The following CNTRL variants were observed in gnomAD, a reference collection of about 807,000 sequenced individuals.
CNTRL encodes the protein centriolin.
Under a neutral mutation model 303.7 loss-of-function variants are expected in CNTRL, and 233 were observed. That is an observed-to-expected ratio of 0.77 (90% CI 0.69 to 0.86). The LOEUF is 0.86. Ranked by LOEUF, CNTRL falls within the 40% of genes least tolerant of loss-of-function variation. CNTRL has a pLI of 0.00. For missense variants in CNTRL, 2,524 were observed against 2,650.6 expected (o/e 0.95, Z 1.05); for synonymous variants, 900 against 922.2 (o/e 0.98, Z 0.44).
rs1373497475 is a variant in CNTRL at position 121,158,741 on chromosome 9, T to C, written c.4765-114T>C. On this transcript the variant is annotated intron_variant, in intron 30 of 43. Transcript: ENST00000373855. ...ACTCCTTGCCTGGCTTTTCTGACTC[T>C]TGGGGGCTAGGATATTAGCTCCTGA... 7 of 1,030,230 alleles carry C rather than the reference T, an allele frequency of 6.8e-6. No homozygotes were observed. In the East Asian group the frequency reaches 9.5e-5, roughly 14 times the overall value. 63.8% of individuals were successfully genotyped at this position (1,030,230 alleles called of 1,614,324 possible).
chr9:121,146,310 G>A (rs1564271776), intron 23 of CNTRL, 54 bp downstream of exon 23: 1 of 1,544,628 alleles, frequency 6.5e-7, no homozygotes. Flanking sequence ...AAGAAAGTGT[G>A]ACATTGTCCC....
intron 9 of CNTRL, among the ~76,000 whole-genome samples, chr9:121,113,135 AT>A (rs2049823598): frequency 6.6e-6 from 1 of 152,180 alleles, no homozygotes; most frequent in Non-Finnish European, 1.5e-5. Context: ...TGAAAAAAAT[AT>A]TAGACTGAGA....
intron 4 of CNTRL, among the ~76,000 whole-genome samples, chr9:121,093,041 T>C (rs775981810): frequency 1.3e-5 from 2 of 150,990 alleles, no homozygotes; most frequent in Non-Finnish European, 2.9e-5. Flanking sequence ...TCTCCTGACC[T>C]TGTGATCTCC....
rs528595819 is a variant in CNTRL, at chr9:121,124,649, A to G, written c.1804+565A>G. 1.8e-3 allele frequency among the ~76,000 whole-genome samples: 267 copies of G among 151,994 alleles called. 2 individuals carry two copies. Among genetic ancestry groups the G allele is most frequent in the Non-Finnish European group, 1.1e-3 (74 of 67,970 alleles). ...TGTTGGGAGAATTAAATGAGCTAGTATTCATAGGCCAGGAGTGGTGGCTCA... is the reference window on the plus strand; with the variant it reads ...TGTTGGGAGAATTAAATGAGCTAGTGTTCATAGGCCAGGAGTGGTGGCTCA... On this transcript the variant is annotated intron_variant, in intron 13 of 43. Transcript: ENST00000373855.
chr9:121,102,035 C>G (rs1364642217), intron 7 of CNTRL, among the ~76,000 whole-genome samples: 2 of 152,178 alleles, frequency 1.3e-5, no homozygotes, highest in African/African-American at 4.8e-5. Flanking sequence ...AGGGAATCCA[C>G]CCTAACTCAT....
At chr9:121,175,471 G>C (rs2053483705) in intron 43 of CNTRL, among the ~76,000 whole-genome samples, 1 of 152,110 alleles carries the variant, frequency 6.6e-6, no homozygotes, top group South Asian at 2.1e-4. Context: ...GTCTTGCTGG[G>C]TTGCCAGGGC....
intron 18 of CNTRL, 136 bp from the exon 19 acceptor site, chr9:121,141,955 C>A: frequency 1.5e-6 from 1 of 688,660 alleles, no homozygotes; most frequent in Non-Finnish European, 2.4e-6. Context: ...CAAGATAAAA[C>A]CATTCCTGAC....
chr9:121,145,018 C>G (rs1340115378), intron 21 of CNTRL, 59 bp downstream of exon 21: 1 of 1,409,668 alleles, frequency 7.1e-7, no homozygotes, highest in East Asian at 2.3e-5. Context: ...TCCTAAAAGA[C>G]AAAATTACTG....
At chr9:121,101,446 C>T (rs537648040) in intron 7 of CNTRL, among the ~76,000 whole-genome samples, 3 of 152,130 alleles carry the variant, frequency 2.0e-5, no homozygotes, top group Non-Finnish European at 2.9e-5. Context: ...CAAGAGACAG[C>T]AGAAAAGATC....
chr9:121,091,192 C>T (rs2048555348), intron 4 of CNTRL, among the ~76,000 whole-genome samples: 1 of 152,200 alleles, frequency 6.6e-6, no homozygotes, highest in Non-Finnish European at 1.5e-5. Flanking sequence ...AATTCCTGCT[C>T]TAGAGTGTTT....
intron 12 of CNTRL, chr9:121,121,971 T>C (rs904717678): frequency 1.3e-5 from 13 of 976,552 alleles, no homozygotes; most frequent in Non-Finnish European, 1.6e-5. Flanking sequence ...TTTTTCTCTC[T>C]CTGTACAAAG....
intron 7 of CNTRL, among the ~76,000 whole-genome samples, chr9:121,105,664 G>C (rs886552003): frequency 6.6e-6 from 1 of 152,184 alleles, no homozygotes; most frequent in Non-Finnish European, 1.5e-5. Flanking sequence ...GGAAATAGTG[G>C]GAAATAGCCC....
chr9:121,171,866 TAG>T (rs2053317952), intron 40 of CNTRL, among the ~76,000 whole-genome samples: 1 of 152,174 alleles, frequency 6.6e-6, no homozygotes, highest in Non-Finnish European at 1.5e-5. Flanking sequence ...AACAAGTCTA[TAG>T]GAGCCAAAAC....
At position 121,141,495 on chromosome 9, in the gene CNTRL, A is replaced by C. The variant is rs2051509642; in HGVS notation, c.2598A>C (p.Arg866Ser). 1 of 1,614,150 alleles carries C rather than the reference A, an allele frequency of 6.2e-7. No homozygotes were observed. The highest frequency in any genetic ancestry group is 8.5e-7 in the Non-Finnish European group (1 of 1,180,008). ...GAGATGAAGCACAAGTTAGAGAGAG[A>C]AAACTCCAAGAAGAAATGGCTCTGC... ...WERDEAQVRE[R>S]KLQEEMALQQ... Residue 866 changes from arginine to serine, a missense_variant, in exon 18 of 44, where the codon AGA becomes AGC. Arg to Ser is a moderately radical substitution (Grantham distance 110). Coordinates refer to ENST00000373855, the MANE Select transcript of CNTRL (RefSeq NM_007018.6).
At chr9:121,162,429 CT>C in intron 34 of CNTRL, 158 bp downstream of exon 34, 1 of 632,684 alleles carries the variant, frequency 1.6e-6, no homozygotes, top group Non-Finnish European at 2.7e-6. Context: ...GGAGAATTTC[CT>C]TCTAGCTTTT....
chr9:121,118,902 C>G (rs1335537122), intron 12 of CNTRL, among the ~76,000 whole-genome samples: 1 of 151,982 alleles, frequency 6.6e-6, no homozygotes, highest in Non-Finnish European at 1.5e-5. Flanking sequence ...AGAGGATGTC[C>G]ATAGGTTAAA....
In CNTRL at chr9:121,075,054, T is replaced by G. The variant is rs1421282181; in HGVS notation, c.-218T>G. On this transcript the variant is annotated 5_prime_UTR_variant, in exon 1 of 44. Transcript: ENST00000373855. ...ACCTCAGCCTGCGGGACTGCTCGGC[T>G]CGGCTTCTAGGCGGTGAGCGTCAGA... 2.3e-6 allele frequency: 1 copy of G among 428,252 alleles called. No individual in the cohort carries two copies. Among genetic ancestry groups the G allele is most frequent in the Middle Eastern group, 3.4e-4 (1 of 2,904 alleles). 26.5% of individuals were successfully genotyped at this position (428,252 alleles called of 1,614,324 possible).
intron 7 of CNTRL, among the ~76,000 whole-genome samples, chr9:121,106,425 A>G (rs2049477040): frequency 6.6e-6 from 1 of 151,844 alleles, no homozygotes; most frequent in Admixed American, 6.6e-5. Context: ...TGAGAATGAG[A>G]TTAGAGAAAA....
intron 1 of CNTRL, among the ~76,000 whole-genome samples, chr9:121,079,586 C>T (rs532264861): frequency 3.3e-5 from 5 of 152,114 alleles, no homozygotes; most frequent in Non-Finnish European, 7.4e-5. Context: ...TGGATTTTTT[C>T]GGATTTTGGA....
Sources: gnomAD v4.1 joint callset for allele counts (sites outside exome capture counted in the v4.1 genomes callset) on GRCh38, gnomAD v4.1.1 for gene constraint, MANE v1.5 for transcripts, NCBI Gene and HGNC (gene_info 2026-07-23, HGNC 2026-07-21) for gene names.